Variants in PHACTR1 observed in about 807,000 individuals in gnomAD.
PHACTR1 encodes phosphatase and actin regulator 1.
Under a neutral mutation model 69.2 loss-of-function variants are expected in PHACTR1, and 16 were observed. The ratio of observed to expected loss-of-function variants is 0.23; its 90% CI spans 0.16 to 0.35. The LOEUF (loss-of-function observed/expected upper bound fraction) is 0.35, where lower values mean the gene tolerates loss of function less well. Ranked by LOEUF, PHACTR1 falls within the 10% of genes least tolerant of loss-of-function variation. The pLI, the probability that PHACTR1 is intolerant of heterozygous loss-of-function variation, is 1.00. For synonymous variants in PHACTR1, 312 were observed against 284.5 expected, an observed-to-expected ratio of 1.10 and a Z score of -0.97; for missense variants, 510 against 734.7, an observed-to-expected ratio of 0.69 and a Z score of 3.54.
intron 4 of PHACTR1, among the ~76,000 whole-genome samples, chr6:12,987,156 A>G (rs1004243734): frequency 6.6e-6 from 1 of 152,238 alleles, no homozygotes; most frequent in Non-Finnish European, 1.5e-5. Context: ...GACTAGGTTT[A>G]GAAAGATACA....
chr6:13,205,756 C>A (rs1440105173), intron 7 of PHACTR1, 59 bp from the exon 8 acceptor site: 19 of 1,478,978 alleles, frequency 1.3e-5, no homozygotes, highest in Non-Finnish European at 1.7e-5. Flanking sequence ...ATCTGGTGTT[C>A]TGAGTTTCTT....
At chr6:13,120,914 G>A (rs988559248) in intron 5 of PHACTR1, among the ~76,000 whole-genome samples, 2 of 152,192 alleles carry the variant, frequency 1.3e-5, no homozygotes, top group Non-Finnish European at 2.9e-5. Context: ...CTCAGTGACA[G>A]GGTGATTGGG....
intron 4 of PHACTR1, among the ~76,000 whole-genome samples, chr6:12,761,129 C>T (rs373400237): frequency 6.6e-6 from 1 of 152,328 alleles, no homozygotes; most frequent in African/African-American, 2.4e-5. Context: ...ACACTTTCTG[C>T]CTAATTTTCA....
chr6:12,726,735 C>T (rs138460096), intron 3 of PHACTR1, among the ~76,000 whole-genome samples: 9 of 152,304 alleles, frequency 5.9e-5, no homozygotes, highest in African/African-American at 1.9e-4. Context: ...TTCAGAAGGA[C>T]TGGGGCAGGA....
chr6:12,959,216 A>T (rs1261821392), intron 4 of PHACTR1, among the ~76,000 whole-genome samples: 1 of 150,964 alleles, frequency 6.6e-6, no homozygotes, highest in East Asian at 1.9e-4. Context: ...AAAAAAGAAA[A>T]GAAAACAGAA....
intron 10 of PHACTR1, among the ~76,000 whole-genome samples, chr6:13,240,916 C>T (rs959735099): frequency 1.3e-5 from 2 of 152,154 alleles, no homozygotes; most frequent in African/African-American, 2.4e-5. Context: ...GCAAGGTGGC[C>T]GCTACTGGGA....
rs968554680 is a variant in PHACTR1, at chr6:12,897,554, C to T, written c.250+147764C>T. Among the ~76,000 whole-genome samples the T allele has an allele frequency of 6.6e-5, 10 of 152,172 alleles. 1 individual carries two copies. Among genetic ancestry groups the T allele is most frequent in the Admixed American group, 6.5e-4 (10 of 15,270 alleles). The stretch of plus-strand genomic sequence containing the variant: ...CTCCCCCTACTCTGGCACACACAGA[C>T]TTCGCCTAATTTATAGCGTCCACTT... On this transcript the variant is annotated intron_variant, in intron 4 of 14. Transcript: ENST00000332995.
At chr6:13,200,303 TGG>T (rs555428473) in intron 7 of PHACTR1, among the ~76,000 whole-genome samples, 4 of 151,138 alleles carry the variant, frequency 2.6e-5, no homozygotes, top group South Asian at 4.1e-4. Context: ...CTCCACCTCC[TGG>T]GTTCAAGCGA....
At chr6:12,738,316 C>T (rs1764564861) in intron 3 of PHACTR1, among the ~76,000 whole-genome samples, 3 of 152,182 alleles carry the variant, frequency 2.0e-5, no homozygotes, top group Non-Finnish European at 2.9e-5. Context: ...AATGTCCACT[C>T]GTCCCTCGAT....
chr6:13,181,466 TA>T (rs1375948015), intron 6 of PHACTR1, among the ~76,000 whole-genome samples: 2 of 152,192 alleles, frequency 1.3e-5, no homozygotes, highest in African/African-American at 4.8e-5. Flanking sequence ...CAGTCCTCTT[TA>T]AAAATTAATT....
chr6:13,252,013 C>A (rs1239078349), intron 10 of PHACTR1, among the ~76,000 whole-genome samples: 1 of 150,654 alleles, frequency 6.6e-6, no homozygotes, highest in Non-Finnish European at 1.5e-5. Context: ...TGTGATTGCA[C>A]CACTGTACTC....
At chr6:13,237,887 C>T (rs1261921490) in intron 10 of PHACTR1, among the ~76,000 whole-genome samples, 1 of 152,170 alleles carries the variant, frequency 6.6e-6, no homozygotes, top group Non-Finnish European at 1.5e-5. Flanking sequence ...TGCATGTAAA[C>T]ATAGAAAAGG....
At chr6:13,185,927 A>G (rs1762770569) in intron 7 of PHACTR1, among the ~76,000 whole-genome samples, 1 of 152,234 alleles carries the variant, frequency 6.6e-6, no homozygotes, top group East Asian at 1.9e-4. Flanking sequence ...CAGGGCTGAC[A>G]GGAATTCTGT....
chr6:12,754,128 ATTTT>A (rs34841058), intron 4 of PHACTR1, among the ~76,000 whole-genome samples: 1 of 112,428 alleles, frequency 8.9e-6, no homozygotes, highest in African/African-American at 3.4e-5. Flanking sequence ...ACGCCTGGCT[ATTTT>A]TTTTTTTTTT....
At chr6:12,867,974 C>T (rs958374096) in intron 4 of PHACTR1, among the ~76,000 whole-genome samples, 3 of 152,100 alleles carry the variant, frequency 2.0e-5, no homozygotes, top group Admixed American at 6.5e-5. Context: ...AGTTCAGGTG[C>T]TAAGGCCAGG....
At chr6:13,159,421 A>G (rs1259805630) in intron 5 of PHACTR1, among the ~76,000 whole-genome samples, 1 of 152,204 alleles carries the variant, frequency 6.6e-6, no homozygotes, top group Non-Finnish European at 1.5e-5. Flanking sequence ...CAGAATCCTC[A>G]GTGAGGCATG....
chr6:13,003,957 ATATATATG>A (rs1259646547), intron 4 of PHACTR1, among the ~76,000 whole-genome samples: 1 of 102,396 alleles, frequency 9.8e-6, no homozygotes, highest in African/African-American at 6.6e-5. Context: ...ATTCCTATAT[ATATATATG>A]TATATATATA....
rs538642281 is a variant in PHACTR1, at chr6:12,723,471, C to G, written c.103+4624C>G. 2.0e-4 allele frequency among the ~76,000 whole-genome samples: 31 copies of G among 151,220 alleles called. 1 individual carries two copies. In the South Asian group the frequency reaches 3.4e-3, roughly 16 times the overall value. On this transcript the variant is annotated intron_variant, in intron 3 of 14. Coordinates refer to ENST00000332995, the MANE Select transcript of PHACTR1 (RefSeq NM_030948.6). ...GCACATTACAAACACCACCTGGAAT[C>G]CTTGTTTTGGCCTTTTCTTTTTTTT...
rs973926077 is a variant in PHACTR1, at chr6:12,845,440, C to T, written c.250+95650C>T. ...TGTGAACACCACCCACCCCCCCCCC[C>T]CCCGCCCTCCGTGCTGGGCAGTCTT... On this transcript the variant is annotated intron_variant, in intron 4 of 14. Coordinates refer to ENST00000332995, the MANE Select transcript of PHACTR1 (RefSeq NM_030948.6). Among the ~76,000 whole-genome samples the T allele has an allele frequency of 1.2e-4, 7 of 57,274 alleles. 1 individual carries two copies. Among genetic ancestry groups the T allele is most frequent in the African/African-American group, 3.9e-4 (7 of 17,834 alleles). The allele number at this position is 57,274 out of a possible 152,430, so 37.6% of individuals were successfully genotyped here. A position where few individuals can be genotyped will look rare whatever the true frequency, so the allele number is the denominator to read the frequency against.
Sources: allele counts gnomAD v4.1 joint callset (sites outside exome capture counted in the v4.1 genomes callset), GRCh38; gene constraint gnomAD v4.1.1; transcripts MANE v1.5; gene names NCBI Gene and HGNC (gene_info 2026-07-23, HGNC 2026-07-21).